NPAS3: variants seen among roughly 807,000 people sequenced by gnomAD.
The protein encoded by NPAS3 is neuronal PAS domain protein 3.
A neutral mutation model predicts 73.1 loss-of-function variants in NPAS3; 14 were observed. The observed-to-expected ratio is 0.19, with a 90% CI of 0.13 to 0.30. The LOEUF (loss-of-function observed/expected upper bound fraction) is 0.30, where lower values mean the gene tolerates loss of function less well. NPAS3 is among the 10% of genes least tolerant of loss of function. The probability of loss-of-function intolerance (pLI) is 1.00; values close to 1 mark genes in which losing one functional copy is unlikely to be tolerated. For missense variants in NPAS3, 1,096 were observed against 1,250.0 expected (o/e 0.88, Z 1.86); for synonymous variants, 620 against 541.5 (o/e 1.14, Z -2.01).
chr14:33,296,005 T>C (rs1394963932), intron 3 of NPAS3, among the ~76,000 whole-genome samples: 2 of 152,146 alleles, frequency 1.3e-5, no homozygotes, highest in Non-Finnish European at 2.9e-5. Flanking sequence ...CCTTAAGCAA[T>C]ACAAGACATA....
At position 33,735,765 on chromosome 14, in the gene NPAS3, C is replaced by T. The variant is rs10151396; in HGVS notation, c.852+433C>T. Among the ~76,000 whole-genome samples the T allele has an allele frequency of 4.2e-3, 640 of 150,976 alleles. 5 individuals are homozygous for T. Among genetic ancestry groups the T allele is most frequent in the African/African-American group, 0.015 (616 of 41,034 alleles). On this transcript the variant is annotated intron_variant, in intron 7 of 11. Transcript: ENST00000356141. The stretch of plus-strand genomic sequence containing the variant: ...TCCGTTTTAATAACATCTTAGCCAC[C>T]GAGATTTGTACACATAGACGAGAAA...
At chr14:33,681,800 T>TCATACAAAGTGTCAAATGATA (rs2059945807) in intron 6 of NPAS3, among the ~76,000 whole-genome samples, 1 of 152,200 alleles carries the variant, frequency 6.6e-6, no homozygotes, top group South Asian at 2.1e-4. Flanking sequence ...AGTACAGCAT[T>TCATACAAAGTGTCAAATGATA]CATACAAAGT....
intron 1 of NPAS3, among the ~76,000 whole-genome samples, chr14:32,954,985 A>G (rs1265906233): frequency 6.6e-6 from 1 of 152,160 alleles, no homozygotes; most frequent in Non-Finnish European, 1.5e-5. Flanking sequence ...GTGAATAGAC[A>G]TGCATTTTGT....
At chr14:33,451,481 G>A (rs79771595) in intron 4 of NPAS3, among the ~76,000 whole-genome samples, 2,948 of 152,212 alleles carry the variant, frequency 0.019, 84 homozygotes, top group African/African-American at 0.066. Context: ...CCTGAAGTGC[G>A]TTGCCCATTC....
chr14:33,799,620 C>T, intron 11 of NPAS3, 114 bp from the exon 12 acceptor site: 1 of 1,064,594 alleles, frequency 9.4e-7, no homozygotes, highest in East Asian at 2.6e-5. Context: ...CGGACACTTG[C>T]CCTGCTCCCC....
chr14:33,780,035 A>G (rs1314106908), intron 9 of NPAS3, among the ~76,000 whole-genome samples: 1 of 152,230 alleles, frequency 6.6e-6, no homozygotes, highest in Non-Finnish European at 1.5e-5. Flanking sequence ...TGAGCTAGCC[A>G]GCACCTCAAA....
At chr14:33,279,610 T>C (rs1161794257) in intron 3 of NPAS3, among the ~76,000 whole-genome samples, 3 of 152,170 alleles carry the variant, frequency 2.0e-5, no homozygotes, top group Non-Finnish European at 4.4e-5. Flanking sequence ...TTCTGCAATT[T>C]AACAAGATCT....
chr14:33,588,850 T>C lies in NPAS3; in HGVS notation c.558+28640T>C, dbSNP rs117975427. On this transcript the variant is annotated intron_variant, in intron 5 of 11. Transcript: ENST00000356141. Reference sequence around the variant, plus strand: ...CAAGCTGGTTTCGAACTCCTGACCTTAAGTGATCTACCGGCCCACCTCAGC... The same window carrying C: ...CAAGCTGGTTTCGAACTCCTGACCTCAAGTGATCTACCGGCCCACCTCAGC... 0.015 allele frequency among the ~76,000 whole-genome samples: 2,310 copies of C among 152,230 alleles called. 105 individuals carry two copies. In the East Asian group the frequency reaches 0.19, roughly 13 times the overall value.
intron 2 of NPAS3, among the ~76,000 whole-genome samples, chr14:33,122,214 TTGTC>T (rs2043256511): frequency 6.6e-6 from 1 of 152,132 alleles, no homozygotes; most frequent in Non-Finnish European, 1.5e-5. Flanking sequence ...TACACCCTGT[TTGTC>T]TTATCCCTAC....
chr14:33,479,808 T>G (rs1333500339), intron 4 of NPAS3, among the ~76,000 whole-genome samples: 1 of 152,202 alleles, frequency 6.6e-6, no homozygotes, highest in Admixed American at 6.5e-5. Context: ...GAAATGCGTT[T>G]GTCCTTTTGA....
chr14:33,196,389 T>TG (rs2046353293), intron 2 of NPAS3, among the ~76,000 whole-genome samples: 1 of 152,228 alleles, frequency 6.6e-6, no homozygotes, highest in Admixed American at 6.5e-5. Flanking sequence ...GTGACAAGGA[T>TG]GTAAGTATCC....
chr14:33,629,938 A>G (rs1358778530), intron 5 of NPAS3, among the ~76,000 whole-genome samples: 1 of 152,168 alleles, frequency 6.6e-6, no homozygotes, highest in African/African-American at 2.4e-5. Context: ...TTTAAACTCT[A>G]ATGCTATCAT....
chr14:33,254,518 C>T (rs1349913729), intron 3 of NPAS3, among the ~76,000 whole-genome samples: 11 of 152,084 alleles, frequency 7.2e-5, no homozygotes, highest in Non-Finnish European at 2.9e-5. Context: ...TTTCACCTTC[C>T]TCAAGCCTTT....
intron 2 of NPAS3, among the ~76,000 whole-genome samples, chr14:33,202,181 C>G (rs2046644689): frequency 6.6e-6 from 1 of 152,098 alleles, no homozygotes; most frequent in African/African-American, 2.4e-5. Flanking sequence ...GTGGGCAGAT[C>G]ACTTGAGGTC....
At chr14:33,678,707 T>G (rs1427126408) in intron 6 of NPAS3, among the ~76,000 whole-genome samples, 6 of 150,906 alleles carry the variant, frequency 4.0e-5, no homozygotes, top group Admixed American at 2.0e-4. Flanking sequence ...CAATTCATAC[T>G]GAGTTTGATG....
intron 3 of NPAS3, among the ~76,000 whole-genome samples, chr14:33,262,441 C>T (rs1047295740): frequency 5.9e-5 from 9 of 152,146 alleles, no homozygotes; most frequent in African/African-American, 2.2e-4. Context: ...CATTCCAGGA[C>T]CTGCAAGGTC....
At chr14:33,428,671 T>A (rs2048655632) in intron 4 of NPAS3, among the ~76,000 whole-genome samples, 1 of 152,188 alleles carries the variant, frequency 6.6e-6, no homozygotes, top group South Asian at 2.1e-4. Context: ...CACTGAGCAC[T>A]AAGCTTAGAC....
At chr14:33,786,600 G>GCCCTTTGC (rs2063182517) in intron 9 of NPAS3, among the ~76,000 whole-genome samples, 1 of 152,196 alleles carries the variant, frequency 6.6e-6, no homozygotes, top group African/African-American at 2.4e-5. Flanking sequence ...CAAGTCAGAC[G>GCCCTTTGC]CCCTTTGCGC....
At chr14:33,748,944 C>G (rs2061881498) in intron 7 of NPAS3, among the ~76,000 whole-genome samples, 1 of 152,098 alleles carries the variant, frequency 6.6e-6, no homozygotes, top group Non-Finnish European at 1.5e-5. Context: ...GTCATATTGC[C>G]TCGTGGTCAA....
Sources: allele counts gnomAD v4.1 joint callset (sites outside exome capture counted in the v4.1 genomes callset), GRCh38; gene constraint gnomAD v4.1.1; transcripts MANE v1.5; gene names NCBI Gene and HGNC (gene_info 2026-07-23, HGNC 2026-07-21).